Variants in ABCB8 observed in about 807,000 individuals in gnomAD.
The protein encoded by ABCB8 is mitochondrial potassium channel ATP-binding subunit.
A neutral mutation model predicts 73.0 loss-of-function variants in ABCB8; 52 were observed. The ratio of observed to expected loss-of-function variants is 0.71; its 90% confidence interval spans 0.57 to 0.90. The LOEUF (loss-of-function observed/expected upper bound fraction) is 0.90, where lower values mean the gene tolerates loss of function less well. ABCB8 is among the 40% of genes least tolerant of loss of function. The pLI is 0.00. For missense variants in ABCB8, 909 were observed against 974.6 expected (o/e 0.93, Z 0.90); for synonymous variants, 428 against 423.5 (o/e 1.01, Z -0.13).
chr7:151,042,060 G>T lies in ABCB8; in HGVS notation c.1717G>T (p.Ala573Ser). 1.2e-6 allele frequency: 2 copies of T among 1,613,198 alleles called. No homozygotes were observed. Among genetic ancestry groups the T allele is most frequent in the Non-Finnish European group, 8.5e-7 (1 of 1,179,990 alleles). The change falls in exon 14 of 16, where the codon GCT (alanine) becomes TCT (serine). Residue 573 changes from alanine (A) to serine (S), a missense_variant. Physicochemically the swap from Ala to Ser is moderately conservative, Grantham distance 99 (BLOSUM62 1). Coordinates refer to ENST00000358849, the MANE Select transcript of ABCB8 (RefSeq NM_007188.5). ...GTACACAGCCGCCCGGGAAGCGAAT[G>T]CTCACGAGTTCATCACCAGCTTCCC... ...EVYTAAREAN[A>S]HEFITSFPEG... is the part of the protein sequence containing the mutation.
chr7:151,047,293 A>G lies in ABCB8; in HGVS notation c.*1944A>G, dbSNP rs1302112994. 6.6e-6 allele frequency: 1 copy of G among 152,094 alleles called. No homozygotes were observed. The highest frequency in any genetic ancestry group is 1.5e-5 in the Non-Finnish European group (1 of 68,026). The allele number at this position is 152,094 out of a possible 1,614,324, so 9.4% of individuals were successfully genotyped here. On this transcript the variant is annotated 3_prime_UTR_variant, in exon 16 of 16. Transcript: ENST00000358849. ...CCGCAGGAGCCGCGCCGTCTTCCTA[A>G]CCTCGCCTCGGCCTTCGCTCCACAG...
intron 15 of ABCB8, 74 bp from the exon 16 acceptor site, chr7:151,045,135 A>T (rs1212413455): frequency 1.2e-5 from 17 of 1,428,928 alleles, no homozygotes; most frequent in Non-Finnish European, 1.4e-5. Context: ...GCTGATAGAG[A>T]GGCTCAGCTC....
At chr7:151,038,477 C>T (rs7797143) in intron 9 of ABCB8, 33,734 of 151,280 alleles carry the variant, frequency 0.22, 4,113 homozygotes, top group Admixed American at 0.36. Flanking sequence ...CGCCACTGCA[C>T]CCCAGCCTGG....
chr7:151,046,529 T>A lies in ABCB8; in HGVS notation c.*1180T>A, dbSNP rs1796617901. ...GTGTCCCTGCACTGCTGCAGATGCATCAGCCCTCCCCATGTTGGTGCCGCT... is the reference window on the plus strand; with the variant it reads ...GTGTCCCTGCACTGCTGCAGATGCAACAGCCCTCCCCATGTTGGTGCCGCT... On this transcript the variant is annotated 3_prime_UTR_variant, in exon 16 of 16. Transcript: ENST00000358849. 6.6e-6 allele frequency: 1 copy of A among 152,250 alleles called. No homozygotes were observed. Among genetic ancestry groups the A allele is most frequent in the South Asian group, 2.1e-4 (1 of 4,828 alleles). 9.4% of individuals were successfully genotyped at this position (152,250 alleles called of 1,614,324 possible).
At chr7:151,034,643 T>G in intron 4 of ABCB8, 44 bp downstream of exon 4, 1 of 1,612,992 alleles carries the variant, frequency 6.2e-7, no homozygotes, top group South Asian at 1.1e-5. Context: ...ACTGATGGCC[T>G]GAGGGGTCTG....
chr7:151,033,914 C>T lies in ABCB8; in HGVS notation c.405C>T (p.Val135=), dbSNP rs1796233138. The change falls in exon 2 of 16, where the codon GTC becomes GTT. Residue 135 remains valine, a synonymous_variant. Transcript: ENST00000358849. ...ACCTGCTGGTCCTGGGGGTAGCCGT[C>T]GTGGTGAGGCTTTCCCCACTTCTCC... ...HPHLLVLGVA[V]VLALGAALVN... 5.0e-6 allele frequency: 8 copies of T among 1,586,146 alleles called. No individual in the cohort carries two copies. In the South Asian group the frequency reaches 5.7e-5, roughly 11 times the overall value.
At chr7:151,044,255 G>T in intron 15 of ABCB8, 34 bp downstream of exon 15, 1 of 1,584,930 alleles carries the variant, frequency 6.3e-7, no homozygotes. Flanking sequence ...TCAGTGGGTT[G>T]AGGATGGCTT....
intron 9 of ABCB8, chr7:151,037,617 C>A: frequency 2.5e-6 from 1 of 402,072 alleles, no homozygotes. Flanking sequence ...TCTCCACGAA[C>A]CGTGCATCAC....
At chr7:151,031,368 G>A in intron 1 of ABCB8, 1 of 1,508,018 alleles carries the variant, frequency 6.6e-7, no homozygotes, top group Non-Finnish European at 8.9e-7. Context: ...GTTGGAATGG[G>A]GTGGGAGAAG....
chr7:151,030,458 T>C (rs1464123254), intron 1 of ABCB8, among the ~76,000 whole-genome samples: 1 of 151,826 alleles, frequency 6.6e-6, no homozygotes, highest in Non-Finnish European at 1.5e-5. Flanking sequence ...GAGGTTGCAG[T>C]GAGCCGAGAT....
At chr7:151,035,464 G>C in intron 5 of ABCB8, 117 bp from the exon 6 acceptor site, 2 of 1,265,144 alleles carry the variant, frequency 1.6e-6, no homozygotes, top group Admixed American at 2.3e-5. Context: ...CCTCCCAGGG[G>C]CCAAGACCTG....
At chr7:151,034,953 C>G in intron 5 of ABCB8, 124 bp downstream of exon 5, 1 of 817,376 alleles carries the variant, frequency 1.2e-6, no homozygotes, top group Non-Finnish European at 1.9e-6. Context: ...TCGAGAAACC[C>G]ACTGCCTGTG....
chr7:151,035,895 T>C lies in ABCB8; in HGVS notation c.941T>C (p.Met314Thr). The C allele has an allele frequency of 1.9e-6, 3 of 1,613,528 alleles. No individual in the cohort carries two copies. Among genetic ancestry groups the C allele is most frequent in the South Asian group, 1.1e-5 (1 of 91,082 alleles). Residue 314 changes from methionine (M) to threonine (T), a missense_variant, in exon 7 of 16, where the codon ATG becomes ACG. Transcript: ENST00000358849. ...RQCQEQIARA[M>T]GVADEALGNV... ...GACTCCTTGCAGATCGCCAGGGCAA[T>C]GGGCGTAGCAGACGAGGCCCTGGGC...
intron 1 of ABCB8, 194 bp from the exon 2 acceptor site, chr7:151,033,411 C>G: frequency 7.2e-7 from 1 of 1,397,202 alleles, no homozygotes; most frequent in Non-Finnish European, 9.3e-7. Context: ...GTGCCTCATT[C>G]CTCTGCGACT....
intron 9 of ABCB8, 61 bp downstream of exon 9, chr7:151,036,710 GT>G: frequency 7.0e-7 from 1 of 1,424,706 alleles, no homozygotes; most frequent in Non-Finnish European, 9.8e-7. Context: ...GCCCTGCTGG[GT>G]TAGGGGACAC....
At chr7:151,029,060 G>T (rs1211698845) in intron 1 of ABCB8, 4 of 1,083,020 alleles carry the variant, frequency 3.7e-6, no homozygotes, top group Non-Finnish European at 4.6e-6. Flanking sequence ...GCGGTGGCTC[G>T]CTCCTGTAAT....
At chr7:151,040,791 A>G (rs959881454) in intron 11 of ABCB8, 37 bp from the exon 12 acceptor site, 2 of 1,588,970 alleles carry the variant, frequency 1.3e-6, no homozygotes, top group Admixed American at 1.8e-5. Flanking sequence ...AAGGGCTGGG[A>G]GCCTGGTCTG....
intron 10 of ABCB8, 33 bp downstream of exon 10, chr7:151,040,334 G>A (rs1796421165): frequency 3.1e-6 from 5 of 1,610,378 alleles, no homozygotes; most frequent in Non-Finnish European, 3.4e-6. Context: ...GGCCTGGGGT[G>A]TGGAGTTTGT....
chr7:151,044,412 A>G (rs11983213), intron 15 of ABCB8, among the ~76,000 whole-genome samples, 191 bp downstream of exon 15: 2,237 of 152,276 alleles, frequency 0.015, 48 homozygotes, highest in African/African-American at 0.049. Flanking sequence ...TCAGGCCCTC[A>G]GTTTCTTCTT....
Sources: allele counts gnomAD v4.1 joint callset (sites outside exome capture counted in the v4.1 genomes callset), GRCh38; gene constraint gnomAD v4.1.1; transcripts MANE v1.5; gene names NCBI Gene and HGNC (gene_info 2026-07-23, HGNC 2026-07-21).